SGCD: variants seen among roughly 807,000 people sequenced by gnomAD.
The protein encoded by SGCD is delta-sarcoglycan.
SGCD carries 18 observed loss-of-function variants against 36.6 expected under a neutral mutation model. That is an observed-to-expected ratio of 0.49 (90% CI 0.34 to 0.73). The LOEUF (loss-of-function observed/expected upper bound fraction) is 0.73. Among genes scored for constraint, SGCD ranks in the 30% least tolerant of loss-of-function variants. SGCD has a pLI of 0.01. For missense variants in SGCD, 387 were observed against 346.7 expected, an observed-to-expected ratio of 1.12 and a Z score of -0.92; for synonymous variants, 133 against 130.6, an observed-to-expected ratio of 1.02 and a Z score of -0.12.
intron 1 of SGCD, among the ~76,000 whole-genome samples, chr5:155,907,978 C>T (rs1197470535): frequency 6.6e-6 from 1 of 152,100 alleles, no homozygotes; most frequent in Non-Finnish European, 1.5e-5. Flanking sequence ...TTTTAAGAAA[C>T]TGCCACAGCC....
At chr5:155,931,065 T>C (rs1580996696) in intron 1 of SGCD, among the ~76,000 whole-genome samples, 1 of 152,188 alleles carries the variant, frequency 6.6e-6, no homozygotes, top group East Asian at 1.9e-4. Context: ...AATGGTTGCA[T>C]GGGTTTTTTA....
At chr5:155,743,434 A>G in the SGCD span, among the ~76,000 whole-genome samples, 3 of 152,214 alleles carry the variant, frequency 2.0e-5, no homozygotes, top group Non-Finnish European at 4.4e-5. Flanking sequence ...CAGGTCAGAG[A>G]CCAAATATAT....
chr5:156,670,990 C>G (rs1413270248), intron 7 of SGCD, among the ~76,000 whole-genome samples: 2 of 152,220 alleles, frequency 1.3e-5, no homozygotes, highest in East Asian at 3.9e-4. Flanking sequence ...TCTGCCCTTT[C>G]CCTATTTTCC....
At chr5:156,107,701 C>CT (rs1051174692) in intron 1 of SGCD, among the ~76,000 whole-genome samples, 2 of 152,074 alleles carry the variant, frequency 1.3e-5, no homozygotes, top group African/African-American at 2.4e-5. Context: ...GTCATTCCCG[C>CT]TCTTACCTTC....
At chr5:156,668,350 A>G (rs546532134) in intron 7 of SGCD, among the ~76,000 whole-genome samples, 9 of 151,830 alleles carry the variant, frequency 5.9e-5, no homozygotes, top group African/African-American at 1.7e-4. Flanking sequence ...CCTTTTCCCT[A>G]TTAGTATCGT....
At chr5:156,243,221 G>A (rs1191953975) in intron 3 of SGCD, among the ~76,000 whole-genome samples, 1 of 152,240 alleles carries the variant, frequency 6.6e-6, no homozygotes, top group African/African-American at 2.4e-5. Flanking sequence ...TTAGAGCACA[G>A]GTCAGGTGAA....
intron 3 of SGCD, among the ~76,000 whole-genome samples, chr5:156,493,007 A>G (rs1309938851): frequency 6.6e-6 from 1 of 152,194 alleles, no homozygotes; most frequent in Non-Finnish European, 1.5e-5. Flanking sequence ...TATTGTGAAC[A>G]GTGCCGCAAT....
intron 3 of SGCD, among the ~76,000 whole-genome samples, chr5:156,174,350 C>A (rs1763415271): frequency 6.6e-6 from 1 of 152,046 alleles, no homozygotes; most frequent in African/African-American, 2.4e-5. Context: ...AATGGCTTTC[C>A]AGTGGAGGAA....
At chr5:156,322,337 T>C (rs76057870), upstream of SGCD, among the ~76,000 whole-genome samples, 1 of 150,220 alleles carries the variant, frequency 6.7e-6, no homozygotes, top group African/African-American at 2.5e-5. Context: ...TGTACTTGGA[T>C]TTTTTTTTTA....
At chr5:156,641,120 T>A (rs1763012401) in intron 6 of SGCD, among the ~76,000 whole-genome samples, 1 of 152,226 alleles carries the variant, frequency 6.6e-6, no homozygotes, top group African/African-American at 2.4e-5. Context: ...CTATTACTTT[T>A]AGGAGAAGGC....
At chr5:156,261,390 A>G (rs775674853) in intron 3 of SGCD, among the ~76,000 whole-genome samples, 8 of 152,212 alleles carry the variant, frequency 5.3e-5, no homozygotes, top group Non-Finnish European at 1.0e-4. Context: ...GTTGTAGTCA[A>G]TGATATACCA....
At chr5:156,069,328 A>T (rs1189121917) in intron 1 of SGCD, among the ~76,000 whole-genome samples, 1 of 152,090 alleles carries the variant, frequency 6.6e-6, no homozygotes, top group Non-Finnish European at 1.5e-5. Flanking sequence ...ATCCATTTTC[A>T]GCTTTCCATA....
intron 3 of SGCD, among the ~76,000 whole-genome samples, chr5:156,414,533 A>G (rs1388854689): frequency 6.6e-6 from 1 of 152,262 alleles, no homozygotes; most frequent in African/African-American, 2.4e-5. Context: ...AAATATTTTC[A>G]GCTTTGCAGA....
chr5:156,212,164 G>A (rs1334403043), intron 3 of SGCD, among the ~76,000 whole-genome samples: 4 of 152,102 alleles, frequency 2.6e-5, no homozygotes, highest in African/African-American at 4.8e-5. Context: ...CTTACCTATC[G>A]ATGACTACCT....
chr5:156,013,683 A>G (rs1276855030), intron 1 of SGCD, among the ~76,000 whole-genome samples: 2 of 152,074 alleles, frequency 1.3e-5, no homozygotes, highest in African/African-American at 4.8e-5. Flanking sequence ...CTATTTTTAT[A>G]TTGAGAGTGT....
chr5:155,774,805 T>A, the SGCD span, among the ~76,000 whole-genome samples: 2 of 152,088 alleles, frequency 1.3e-5, no homozygotes, highest in Non-Finnish European at 2.9e-5. Context: ...GTCCCTTTTG[T>A]CACAGGAGGT....
At chr5:156,416,717 C>T (rs1234482020) in intron 3 of SGCD, among the ~76,000 whole-genome samples, 1 of 152,098 alleles carries the variant, frequency 6.6e-6, no homozygotes, top group South Asian at 2.1e-4. Context: ...CTACTGATGT[C>T]CTTAAGAAAT....
intron 1 of SGCD, among the ~76,000 whole-genome samples, chr5:155,992,468 A>G (rs1340886234): frequency 2.0e-5 from 3 of 152,186 alleles, no homozygotes; most frequent in African/African-American, 7.2e-5. Context: ...CCTTCCTGCA[A>G]GCAGAGGGAA....
At position 156,252,672 on chromosome 5, in the gene SGCD, C is replaced by T. The variant is rs115633466; in HGVS notation, c.-43-76862C>T. Reference sequence around the variant, plus strand: ...TGGCCCCATTAGATGCAAACTTAGCCTGAAGCAGTTTACCAGCAAGCAGGG... The same window carrying T: ...TGGCCCCATTAGATGCAAACTTAGCTTGAAGCAGTTTACCAGCAAGCAGGG... On this transcript the variant is annotated intron_variant, in intron 3 of 9. Transcript: ENST00000517913. Among the ~76,000 whole-genome samples the T allele has an allele frequency of 9.7e-3, 1,473 of 152,240 alleles. 15 individuals carry two copies. Among genetic ancestry groups the T allele is most frequent in the Middle Eastern group, 0.017 (5 of 292 alleles).
Sources: allele counts gnomAD v4.1 joint callset (sites outside exome capture counted in the v4.1 genomes callset), GRCh38; gene constraint gnomAD v4.1.1; transcripts MANE v1.5; gene names NCBI Gene and HGNC (gene_info 2026-07-23, HGNC 2026-07-21).